The following DERPC variants were observed in gnomAD, a reference collection of about 807,000 sequenced individuals.
DERPC encodes the protein decreased expression in renal and prostate cancer protein.
A neutral mutation model predicts 7.2 loss-of-function variants in DERPC; 1 was observed. That is an observed-to-expected ratio of 0.14 (90% CI 0.05 to 0.66). DERPC has a LOEUF of 0.66. DERPC is among the 30% of genes least tolerant of loss of function. The pLI, the probability that DERPC is intolerant of heterozygous loss-of-function variation, is 0.84. For synonymous variants in DERPC, 185 were observed against 117.6 expected, an observed-to-expected ratio of 1.57 and a Z score of -3.71; for missense variants, 502 against 299.4, an observed-to-expected ratio of 1.68 and a Z score of -4.99.
chr16:69,130,244 G>A (rs1475855515), intron 1 of DERPC, among the ~76,000 whole-genome samples: 1 of 152,112 alleles, frequency 6.6e-6, no homozygotes, highest in East Asian at 1.9e-4. Flanking sequence ...AAGAGGCTTT[G>A]ACTCAACGGT....
At chr16:69,130,386 A>G (rs937409668) in intron 1 of DERPC, among the ~76,000 whole-genome samples, 1 of 152,224 alleles carries the variant, frequency 6.6e-6, no homozygotes, top group Non-Finnish European at 1.5e-5. Flanking sequence ...CTGGGGTGAA[A>G]TCAATTATTT....
At chr16:69,123,546 A>G (rs1037933549) in intron 1 of DERPC, among the ~76,000 whole-genome samples, 35 of 152,042 alleles carry the variant, frequency 2.3e-4, no homozygotes, top group African/African-American at 1.7e-4. Flanking sequence ...AATCCCAGCT[A>G]TTCGGCAGGC....
chr16:69,119,738 C>T lies in DERPC; in HGVS notation c.691G>A (p.Gly231Ser). 1 of 692,048 alleles carries T rather than the reference C, an allele frequency of 1.4e-6. No homozygotes were observed. The highest frequency in any genetic ancestry group is 2.6e-6 in the Non-Finnish European group (1 of 377,406). The allele number at this position is 692,048 out of a possible 1,614,324, so 42.9% of individuals were successfully genotyped here. The change falls in exon 3 of 3, where the codon GGC becomes AGC. Residue 231 changes from glycine to serine, a missense_variant. Coordinates refer to ENST00000519520, the MANE Select transcript of DERPC (RefSeq NM_001002847.4). ...NPAPRSGVFPGPGLGPNPRPS... is the reference protein window; with the variant it reads ...NPAPRSGVFPSPGLGPNPRPS... ...CTTGGGTTGGGCCCAAGGCCTGGGCCTGGAAACACACCTGACCTGGGGGCA... is the reference window on the plus strand; with the variant it reads ...CTTGGGTTGGGCCCAAGGCCTGGGCTTGGAAACACACCTGACCTGGGGGCA...
intron 1 of DERPC, among the ~76,000 whole-genome samples, chr16:69,122,387 T>C (rs34871720): frequency 6.6e-6 from 1 of 152,048 alleles, no homozygotes; most frequent in Admixed American, 6.5e-5. Flanking sequence ...TTTTTCTTTT[T>C]CTTGAGACCA....
intron 1 of DERPC, among the ~76,000 whole-genome samples, chr16:69,128,485 TGAG>T (rs1037199482): frequency 2.6e-5 from 4 of 152,296 alleles, no homozygotes; most frequent in Middle Eastern, 3.4e-3. Context: ...CCCAATCTCA[TGAG>T]GAGGGAAAAA....
Position 69,119,203 on chromosome 16 carries a change from T to G in DERPC, c.1226A>C (p.Asn409Thr). ...AGTGGCCCTTGGGAAGTTAGCTGGG[T>G]TGGGGCCAAGTGGCCCAGAGGCTCT... Reference protein sequence around the residue: ...FPRASGPLGPNPANFPRATGL... With the variant: ...FPRASGPLGPTPANFPRATGL... The change falls in exon 3 of 3, where the codon AAC becomes ACC. Residue 409 changes from asparagine to threonine, a missense_variant. Coordinates refer to ENST00000519520, the MANE Select transcript of DERPC (RefSeq NM_001002847.4). 1.4e-6 allele frequency: 1 copy of G among 703,014 alleles called. No homozygotes were observed. The highest frequency in any genetic ancestry group is 2.6e-6 in the Non-Finnish European group (1 of 385,004). 43.5% of individuals were successfully genotyped at this position (703,014 alleles called of 1,614,324 possible).
At position 69,119,052 on chromosome 16, in the gene DERPC, G is replaced by A; in HGVS notation, c.1377C>T (p.Ile459=). ...TTGGCCTTGTGAAAGGAGCTGGGTTGATACCCACAGGGCCAGCTGGAGAAG... is the reference window on the plus strand; with the variant it reads ...TTGGCCTTGTGAAAGGAGCTGGGTTAATACCCACAGGGCCAGCTGGAGAAG... The part of the protein sequence containing the change: ...LGPSPAGPVG[I]NPAPFTRPTG... The change falls in exon 3 of 3, where the codon ATC becomes ATT. Residue 459 remains isoleucine (I), a synonymous_variant. Transcript: ENST00000519520. The A allele has an allele frequency of 1.4e-6, 1 of 703,046 alleles. No individual in the cohort carries two copies. Among genetic ancestry groups the A allele is most frequent in the Non-Finnish European group, 2.6e-6 (1 of 385,022 alleles). The allele number at this position is 703,046 out of a possible 1,614,324, so 43.6% of individuals were successfully genotyped here. A position where few individuals can be genotyped will look rare whatever the true frequency, so the allele number is the denominator to read the frequency against.
intron 2 of DERPC, 38 bp downstream of exon 2, chr16:69,121,393 TCATCA>T: frequency 1.3e-6 from 2 of 1,558,962 alleles, no homozygotes; most frequent in Non-Finnish European, 1.8e-6. Context: ...TCTATAGCCC[TCATCA>T]TTTCAAGCCA....
At chr16:69,129,286 C>G (rs1225174035) in intron 1 of DERPC, among the ~76,000 whole-genome samples, 1 of 151,612 alleles carries the variant, frequency 6.6e-6, no homozygotes. Flanking sequence ...AAAAATTAGC[C>G]GGGCGTGGTG....
chr16:69,130,513 CACTT>C (rs1368495748), intron 1 of DERPC, among the ~76,000 whole-genome samples: 2 of 152,272 alleles, frequency 1.3e-5, no homozygotes, highest in Non-Finnish European at 1.5e-5. Context: ...GTGAAGCACT[CACTT>C]GTCATACAGA....
At chr16:69,123,557 T>C (rs1230922866) in intron 1 of DERPC, among the ~76,000 whole-genome samples, 2 of 151,860 alleles carry the variant, frequency 1.3e-5, no homozygotes, top group African/African-American at 4.8e-5. Flanking sequence ...TTCGGCAGGC[T>C]GAGGTAAGAG....
Position 69,118,346 on chromosome 16 carries a change from G to C in DERPC, c.*508C>G. On this transcript the variant is annotated 3_prime_UTR_variant, in exon 3 of 3. Coordinates refer to ENST00000519520, the MANE Select transcript of DERPC (RefSeq NM_001002847.4). ...AAGTGGTTGTCCATCTCCCTGTTCT[G>C]TGTTCAAGCCCCCAGGGAAAGGTAT... is the stretch of plus-strand genomic sequence containing the variant. The C allele has an allele frequency of 6.4e-7, 1 of 1,554,728 alleles. No individual in the cohort carries two copies. Among genetic ancestry groups the C allele is most frequent in the Non-Finnish European group, 8.9e-7 (1 of 1,125,734 alleles).
rs200415070 is a variant in DERPC, at chr16:69,119,761, G to A, written c.668C>T (p.Ala223Val). The A allele has an allele frequency of 1.6e-5, 11 of 697,054 alleles. No individual in the cohort carries two copies. In the East Asian group the frequency reaches 3.0e-4, roughly 19 times the overall value. 43.2% of individuals were successfully genotyped at this position (697,054 alleles called of 1,614,324 possible). A position where few individuals can be genotyped will look rare whatever the true frequency, so the allele number is the denominator to read the frequency against. Residue 223 changes from alanine (A) to valine (V), a missense_variant, in exon 3 of 3, where the codon GCC becomes GTC. Transcript: ENST00000519520. ...GCCTGGAAACACACCTGACCTGGGG[G>A]CAGGGTTTGTCCCTAAAAAGCCTGA... ...LRSGFLGTNP[A>V]PRSGVFPGPG...
At position 69,120,405 on chromosome 16, in the gene DERPC, A is replaced by G; in HGVS notation, c.24T>C (p.Pro8=). The G allele has an allele frequency of 6.2e-7, 1 of 1,613,064 alleles. No homozygotes were observed. Among genetic ancestry groups the G allele is most frequent in the Admixed American group, 1.7e-5 (1 of 60,014 alleles). ...GAGTCCAAGGAGTTGGCCGCTCTCT[A>G]GGGAAAATCCGAGGTTCTTTCATAC... The part of the protein sequence containing the change: MKEPRIF[P]RERPTPWTRA... The change falls in exon 3 of 3, where the codon CCT becomes CCC. Residue 8 remains proline (P), a synonymous_variant. Transcript: ENST00000519520. This position sits in a 1 kb window ranked among gnomAD's most constrained non-coding sequence, Gnocchi z 4.0.
rs757502154 is a variant in DERPC at position 69,120,348 on chromosome 16, G to A, written c.81C>T (p.Asp27=). 16 of 1,437,994 alleles carry A rather than the reference G, an allele frequency of 1.1e-5. No homozygotes were observed. The highest frequency in any genetic ancestry group is 1.7e-5 in the Admixed American group (1 of 58,260). 89.1% of individuals were successfully genotyped at this position (1,437,994 alleles called of 1,614,324 possible). The change falls in exon 3 of 3, where the codon GAC becomes GAT. Residue 27 remains aspartate, a synonymous_variant. Transcript: ENST00000519520. The surrounding 1 kb of genome is among the most constrained non-coding windows in gnomAD (Gnocchi z 4.0). ...GACCCCCCTGTGGTCCCAGGGAACC[G>A]TCGAGCCGTCCTCGAGGTGGCAGCG... ...RAPLPPRGRL[D]GSLGPQGGPV... is the part of the protein sequence containing the mutation.
rs1295663631 is a variant in DERPC, at chr16:69,121,323, T to C, written c.-222+113A>G. The C allele has an allele frequency of 3.3e-6, 4 of 1,213,506 alleles. No homozygotes were observed. The Admixed American group carries it at 8.5e-5, about 26-fold the overall frequency. 75.2% of individuals were successfully genotyped at this position (1,213,506 alleles called of 1,614,324 possible). ...CTAGGCATGGAACTAGAGATCAGAA[T>C]GCAAGGATTTGTACAAGATGCACCT... On this transcript the variant is annotated intron_variant, in intron 2 of 2. Transcript: ENST00000519520.
chr16:69,124,106 A>AG lies in DERPC; in HGVS notation c.-279-2614dup, dbSNP rs557390713. On this transcript the variant is annotated intron_variant, in intron 1 of 2. Transcript: ENST00000519520. Reference sequence around the variant, plus strand: ...ACAGAAGAGCAAGACTCTGTCTCAAAGGGGAAAAAAAAAAAAAGGATAATA... The same window carrying AG: ...ACAGAAGAGCAAGACTCTGTCTCAAAGGGGGAAAAAAAAAAAAAGGATAATA... Among the ~76,000 whole-genome samples, 5 of 151,134 alleles carry AG rather than the reference A, an allele frequency of 3.3e-5. No homozygotes were observed. The South Asian group carries it at 8.3e-4, about 25-fold the overall frequency.
chr16:69,128,762 G>GT (rs1962275055), intron 1 of DERPC, among the ~76,000 whole-genome samples: 1 of 151,936 alleles, frequency 6.6e-6, no homozygotes, highest in African/African-American at 2.4e-5. Flanking sequence ...TTTGAAATTA[G>GT]TAACTATTAT....
At chr16:69,121,352 G>T in intron 2 of DERPC, 84 bp downstream of exon 2, 2 of 1,317,232 alleles carry the variant, frequency 1.5e-6, no homozygotes, top group East Asian at 2.3e-5. Flanking sequence ...TGCACCTAAG[G>T]ACCCTGATTC....
Sources: gnomAD v4.1 joint callset for allele counts (sites outside exome capture counted in the v4.1 genomes callset) on GRCh38, gnomAD v4.1.1 for gene constraint, Gnocchi (gnomAD v3.1) non-coding constraint, MANE v1.5 for transcripts, NCBI Gene and HGNC (gene_info 2026-07-23, HGNC 2026-07-21) for gene names.